Variants in CCDC154 observed in about 807,000 individuals in gnomAD.
CCDC154 encodes coiled-coil domain containing 154, also known as coiled-coil domain-containing protein 154.
A neutral mutation model predicts 87.5 loss-of-function variants in CCDC154; 91 were observed. The ratio of observed to expected loss-of-function variants is 1.04; its 90% CI spans 0.88 to 1.24. The LOEUF (loss-of-function observed/expected upper bound fraction) is 1.24. CCDC154 is among the 50% of genes most tolerant of loss of function. CCDC154 has a pLI of 0.00. For missense variants in CCDC154, 903 were observed against 879.2 expected, an observed-to-expected ratio of 1.03 and a Z score of -0.34; for synonymous variants, 418 against 400.4, an observed-to-expected ratio of 1.04 and a Z score of -0.52.
chr16:1,443,261 CT>C lies in CCDC154; in HGVS notation c.454del (p.Arg152GlyfsTer9). On this transcript the variant is annotated frameshift_variant and splice_region_variant, in exon 4 of 17. Coordinates refer to ENST00000389176, the MANE Select transcript of CCDC154 (RefSeq NM_001143980.3). LOFTEE classifies it high-confidence loss of function. ...LQNQMQALDK[R>X]LVEVREALTR... ...GTGCCCCTAGGTGTGTGGGGGGTAC[CT>C]TTTGTCCAGGGCCTGCATCTGGTTC... 1.3e-6 allele frequency: 2 copies of C among 1,548,930 alleles called. No homozygotes were observed. The highest frequency in any genetic ancestry group is 2.0e-5 in the Admixed American group (1 of 50,296).
intron 15 of CCDC154, 38 bp downstream of exon 15, chr16:1,435,051 G>T: frequency 6.5e-7 from 1 of 1,533,118 alleles, no homozygotes; most frequent in Non-Finnish European, 8.8e-7. Context: ...GGGAGCGGGT[G>T]GGAGCTGGGC....
chr16:1,438,568 G>A, intron 9 of CCDC154, 51 bp downstream of exon 9: 1 of 1,483,230 alleles, frequency 6.7e-7, no homozygotes. Flanking sequence ...TCCTGAGTGG[G>A]ACATCAGGGG....
intron 4 of CCDC154, 73 bp downstream of exon 4, chr16:1,443,188 A>C (rs2038571928): frequency 6.6e-7 from 1 of 1,512,524 alleles, no homozygotes; most frequent in Middle Eastern, 1.7e-4. Flanking sequence ...TGGACCCCCC[A>C]CCACACCTGC....
In CCDC154 at chr16:1,442,958, TC is replaced by T. The variant is rs1332459421; in HGVS notation, c.472del (p.Glu158LysfsTer3). 1 of 1,549,940 alleles carries T rather than the reference TC, an allele frequency of 6.5e-7. No individual in the cohort carries two copies. Among genetic ancestry groups the T allele is most frequent in the Non-Finnish European group, 8.7e-7 (1 of 1,146,828 alleles). Reference protein sequence around the residue: ...ALDKRLVEVREALTRLRRRQV... With the variant: ...ALDKRLVEVRXALTRLRRRQV... The stretch of plus-strand genomic sequence containing the variant: ...CCTCCTCCTGAGCCGGGTCAAGGCT[TC>T]CCGGACCTCCACCAGCCTGGGACAC... On this transcript the variant is annotated frameshift_variant, in exon 5 of 17. Coordinates refer to ENST00000389176, the MANE Select transcript of CCDC154 (RefSeq NM_001143980.3). LOFTEE classifies it high-confidence loss of function.
chr16:1,442,421 C>T lies in CCDC154; in HGVS notation c.660G>A (p.Glu220=). 6.5e-7 allele frequency: 1 copy of T among 1,549,374 alleles called. No individual in the cohort carries two copies. ...CTGGTGGTACCTGCATTCTGGCCAC[C>T]TCCAGGTCCACCCTCCGGCTGCTGT... ...QEDSSRRVDL[E]VARMQAQVTK... Residue 220 remains glutamate, a synonymous_variant, in exon 6 of 17, where the codon GAG becomes GAA. Transcript: ENST00000389176.
chr16:1,437,998 A>G (rs2038517401), intron 10 of CCDC154, 44 bp from the exon 11 acceptor site: 1 of 1,536,812 alleles, frequency 6.5e-7, no homozygotes, highest in Admixed American at 2.0e-5. Context: ...CTGAGCGCCC[A>G]TCCCGTGTGC....
At chr16:1,443,730 C>A in intron 2 of CCDC154, 35 bp from the exon 3 acceptor site, 1 of 1,300,908 alleles carries the variant, frequency 7.7e-7, no homozygotes, top group South Asian at 1.2e-5. Flanking sequence ...TCTGGCGGTG[C>A]CCGCCGTGGA....
In CCDC154 at chr16:1,436,606, G is replaced by A. The variant is rs1367846801; in HGVS notation, c.1411-85C>T. On this transcript the variant is annotated intron_variant, in intron 12 of 16. Coordinates refer to ENST00000389176, the MANE Select transcript of CCDC154 (RefSeq NM_001143980.3). ...CCTCGACCCACACAGGGAGAGGGAG[G>A]AGGGGAGAGGACAAGGTGCAGGGAG... is the stretch of plus-strand genomic sequence containing the variant. The A allele has an allele frequency of 2.6e-6, 4 of 1,545,812 alleles. No homozygotes were observed. The African/African-American group carries it at 4.1e-5, about 16-fold the overall frequency.
intron 6 of CCDC154, among the ~76,000 whole-genome samples, chr16:1,441,196 G>A (rs2038549281): frequency 6.6e-6 from 1 of 152,206 alleles, no homozygotes; most frequent in Non-Finnish European, 1.5e-5. Context: ...CTCAGGGAAA[G>A]GCAGACGCCC....
Position 1,443,778 on chromosome 16 carries a change from A to G in CCDC154, c.224+18T>C. Reference sequence around the variant, plus strand: ...GGCGACGTGGTCCTCCCCCGCCAGCACCCCCTGCAGGGCTCACCACTGCTC... The same window carrying G: ...GGCGACGTGGTCCTCCCCCGCCAGCGCCCCCTGCAGGGCTCACCACTGCTC... On this transcript the variant is annotated intron_variant, in intron 2 of 16. Transcript: ENST00000389176. 7.7e-7 allele frequency: 1 copy of G among 1,304,914 alleles called. No homozygotes were observed. The highest frequency in any genetic ancestry group is 1.0e-6 in the Non-Finnish European group (1 of 990,144). The allele number at this position is 1,304,914 out of a possible 1,614,324, so 80.8% of individuals were successfully genotyped here.
chr16:1,440,505 G>A (rs1442666579), intron 6 of CCDC154, among the ~76,000 whole-genome samples: 14 of 151,096 alleles, frequency 9.3e-5, no homozygotes, highest in African/African-American at 2.7e-4. Context: ...AAAGAGAAGA[G>A]AAGAGAAGAG....
chr16:1,436,371 T>A, intron 13 of CCDC154, 74 bp downstream of exon 13: 2 of 1,241,534 alleles, frequency 1.6e-6, no homozygotes, highest in Non-Finnish European at 1.1e-6. Flanking sequence ...TTGTGGAGAG[T>A]AGCGTGGGGA....
intron 1 of CCDC154, 130 bp from the exon 2 acceptor site, chr16:1,444,142 A>T (rs2038587854): frequency 9.9e-7 from 1 of 1,006,492 alleles, no homozygotes; most frequent in African/African-American, 1.7e-5. Flanking sequence ...CTTGGGTCAC[A>T]CAGGATCCAG....
chr16:1,436,355 A>AG (rs1460792098), intron 13 of CCDC154, 90 bp downstream of exon 13: 1 of 1,157,390 alleles, frequency 8.6e-7, no homozygotes, highest in Non-Finnish European at 1.2e-6. Flanking sequence ...TCACGATACC[A>AG]GGGGATTGTG....
intron 9 of CCDC154, 112 bp from the exon 10 acceptor site, chr16:1,438,288 A>G (rs2038520173): frequency 7.5e-7 from 1 of 1,329,256 alleles, no homozygotes; most frequent in Non-Finnish European, 9.9e-7. Context: ...AGACCCTGGG[A>G]TCGGAAGATG....
intron 5 of CCDC154, 89 bp from the exon 6 acceptor site, chr16:1,442,618 T>C: frequency 7.2e-7 from 1 of 1,386,500 alleles, no homozygotes. Context: ...AGGCAGGAGG[T>C]GTACGACCCC....
At chr16:1,436,872 G>A in intron 11 of CCDC154, 61 bp from the exon 12 acceptor site, 1 of 1,542,614 alleles carries the variant, frequency 6.5e-7, no homozygotes, top group South Asian at 1.2e-5. Flanking sequence ...CAGATGGAAA[G>A]ACGGACACGG....
intron 6 of CCDC154, among the ~76,000 whole-genome samples, chr16:1,441,582 C>T (rs1342683817): frequency 2.6e-5 from 4 of 152,152 alleles, no homozygotes; most frequent in South Asian, 2.1e-4. Context: ...CTCGTGTCCT[C>T]GAGGAAGGTG....
Position 1,438,864 on chromosome 16 carries a change from A to C in CCDC154, c.857T>G (p.Leu286Arg). The C allele has an allele frequency of 2.6e-6, 4 of 1,548,878 alleles. No homozygotes were observed. Among genetic ancestry groups the C allele is most frequent in the Non-Finnish European group, 2.6e-6 (3 of 1,146,608 alleles). Residue 286 changes from leucine (L) to arginine (R), a missense_variant, in exon 8 of 17, where the codon CTT (leucine) becomes CGT (arginine). Coordinates refer to ENST00000389176, the MANE Select transcript of CCDC154 (RefSeq NM_001143980.3). ...CAGGCGCTCCTCCATCAGCCCCCGA[A>C]GCTTCTCCCACCGGCTCTCCAGCTC... ...RGELESRWEK[L>R]RGLMEERLRA...
Sources: gnomAD v4.1 joint callset for allele counts (sites outside exome capture counted in the v4.1 genomes callset) on GRCh38, gnomAD v4.1.1 for gene constraint, MANE v1.5 for transcripts, NCBI Gene and HGNC (gene_info 2026-07-23, HGNC 2026-07-21) for gene names.